Variants in CELF2 observed in about 807,000 individuals in gnomAD.
CELF2 encodes CUG triplet repeat RNA-binding protein 2.
In CELF2, 8 loss-of-function variants were observed where a neutral mutation model predicts 62.6. The ratio of observed to expected loss-of-function variants is 0.13; its 90% CI spans 0.07 to 0.23. The LOEUF (loss-of-function observed/expected upper bound fraction) is 0.23. Ranked by LOEUF, CELF2 falls within the 10% of genes least tolerant of loss-of-function variation. The pLI is 1.00. For missense variants in CELF2, 333 were observed against 671.0 expected, an observed-to-expected ratio of 0.50 and a Z score of 5.56; for synonymous variants, 258 against 250.0, an observed-to-expected ratio of 1.03 and a Z score of -0.30.
At chr10:11,062,108 T>C (rs904719369) in intron 1 of CELF2, among the ~76,000 whole-genome samples, 4 of 152,224 alleles carry the variant, frequency 2.6e-5, no homozygotes, top group Non-Finnish European at 4.4e-5. Flanking sequence ...CTGGCCAGTT[T>C]ACCGAATTTT....
At chr10:11,063,718 A>G (rs2067369049) in intron 1 of CELF2, among the ~76,000 whole-genome samples, 1 of 152,144 alleles carries the variant, frequency 6.6e-6, no homozygotes, top group South Asian at 2.1e-4. Flanking sequence ...ATCGTGTAAA[A>G]ATGTTTGGGT....
chr10:10,887,501 A>G (rs772457090), intron 1 of CELF2, among the ~76,000 whole-genome samples: 8 of 152,216 alleles, frequency 5.3e-5, no homozygotes, highest in Non-Finnish European at 1.0e-4. Context: ...CGCTTGTCCA[A>G]TTGATTTTGC....
chr10:10,852,862 G>T (rs2059470220), intron 1 of CELF2, among the ~76,000 whole-genome samples: 1 of 152,192 alleles, frequency 6.6e-6, no homozygotes. Context: ...AGCTGAATTT[G>T]GAGGCTGAAC....
intron 1 of CELF2, among the ~76,000 whole-genome samples, chr10:11,100,058 C>T (rs914388554): frequency 9.2e-5 from 14 of 151,754 alleles, no homozygotes; most frequent in Admixed American, 6.6e-5. Context: ...AAAAAATAGC[C>T]GGGCATGGTG....
At chr10:10,736,379 TC>T in the CELF2 span, among the ~76,000 whole-genome samples, 1 of 99,298 alleles carries the variant, frequency 1.0e-5, no homozygotes, top group Non-Finnish European at 2.1e-5. Flanking sequence ...TTTCTTTCTT[TC>T]TTTCTTTCTT....
chr10:11,067,312 A>G (rs1480281298), intron 1 of CELF2, among the ~76,000 whole-genome samples: 2 of 152,252 alleles, frequency 1.3e-5, no homozygotes, highest in African/African-American at 4.8e-5. Context: ...GCATTCTGAT[A>G]GCCAGTGGAA....
the CELF2 span, among the ~76,000 whole-genome samples, chr10:10,674,333 A>G: frequency 2.6e-5 from 4 of 152,180 alleles, no homozygotes; most frequent in African/African-American, 9.7e-5. Flanking sequence ...TTCATACAGC[A>G]ACTCCTGCTT....
At chr10:11,103,630 C>T (rs61830446) in intron 1 of CELF2, among the ~76,000 whole-genome samples, 19,233 of 151,836 alleles carry the variant, frequency 0.13, 1,434 homozygotes, top group African/African-American at 0.2. Flanking sequence ...ATAAACCACA[C>T]GCAACTCTCG....
At chr10:10,693,028 C>A in the CELF2 span, among the ~76,000 whole-genome samples, 1 of 132,182 alleles carries the variant, frequency 7.6e-6, no homozygotes, top group East Asian at 2.1e-4. Context: ...TTGCCCTGGC[C>A]AGAACTTCCA....
chr10:10,637,093 T>G, the CELF2 span, among the ~76,000 whole-genome samples: 1 of 152,196 alleles, frequency 6.6e-6, no homozygotes, highest in Non-Finnish European at 1.5e-5. Flanking sequence ...TAGGTAATTG[T>G]GTTTGCATTA....
intron 12 of CELF2, among the ~76,000 whole-genome samples, chr10:11,326,935 TTAAC>T (rs1467570818): frequency 2.6e-5 from 4 of 152,218 alleles, no homozygotes; most frequent in Non-Finnish European, 5.9e-5. Context: ...GTTCTCAAAC[TTAAC>T]TCTGGCTGGT....
the CELF2 span, among the ~76,000 whole-genome samples, chr10:10,762,949 T>C: frequency 6.6e-6 from 1 of 152,126 alleles, no homozygotes; most frequent in African/African-American, 2.4e-5. Context: ...TAAAATAAAA[T>C]AAATTATAAA....
At chr10:10,548,348 A>C in the CELF2 span, among the ~76,000 whole-genome samples, 1 of 152,220 alleles carries the variant, frequency 6.6e-6, no homozygotes, top group Non-Finnish European at 1.5e-5. Flanking sequence ...TCTCAGCTTC[A>C]AATTCAACCT....
intron 1 of CELF2, among the ~76,000 whole-genome samples, chr10:11,143,152 G>A (rs2061659564): frequency 6.6e-6 from 1 of 151,924 alleles, no homozygotes; most frequent in South Asian, 2.1e-4. Context: ...TTTTTCCTTT[G>A]TGTGCCTGTA....
chr10:10,482,896 G>T, the CELF2 span, among the ~76,000 whole-genome samples: 2 of 152,106 alleles, frequency 1.3e-5, no homozygotes, highest in Non-Finnish European at 2.9e-5. Context: ...TGATAGCTCA[G>T]AGCTCACTGA....
chr10:10,634,147 G>C, the CELF2 span, among the ~76,000 whole-genome samples: 5 of 151,972 alleles, frequency 3.3e-5, no homozygotes, highest in Non-Finnish European at 5.9e-5. Flanking sequence ...ATTCATGTAA[G>C]ATTCTTAAAT....
chr10:11,082,074 A>G (rs2074175273), intron 1 of CELF2, among the ~76,000 whole-genome samples: 1 of 152,092 alleles, frequency 6.6e-6, no homozygotes, highest in South Asian at 2.1e-4. Context: ...CTGGGGCTGC[A>G]TCCCTTGCTT....
chr10:10,961,205 G>C (rs1235970019), intron 2 of CELF2, among the ~76,000 whole-genome samples: 3 of 152,176 alleles, frequency 2.0e-5, no homozygotes, highest in Non-Finnish European at 4.4e-5. Context: ...ATTTGGAGTA[G>C]GAAGATGCAG....
In CELF2 at chr10:11,314,063, G is replaced by A. The variant is rs191084386; in HGVS notation, c.977-76G>A. 1,461 of 1,450,028 alleles carry A rather than the reference G, an allele frequency of 1.0e-3. 8 individuals are homozygous for A. Among genetic ancestry groups the A allele is most frequent in the African/African-American group, 7.0e-3 (500 of 71,334 alleles). The allele number at this position is 1,450,028 out of a possible 1,614,324, so 89.8% of individuals were successfully genotyped here. A position where few individuals can be genotyped will look rare whatever the true frequency, so the allele number is the denominator to read the frequency against. On this transcript the variant is annotated intron_variant, in intron 9 of 12. Coordinates refer to ENST00000633077, the MANE Select transcript of CELF2 (RefSeq NM_001326342.2). The surrounding 1 kb of genome is among the most constrained non-coding windows in gnomAD (Gnocchi z 5.3). ...CCTCAGCTCCGTCCACTGAGATGAT[G>A]ACAGAAGGATTTCCAGTCTCGGCTC...
Sources: allele counts gnomAD v4.1 joint callset (sites outside exome capture counted in the v4.1 genomes callset), GRCh38; gene constraint gnomAD v4.1.1; non-coding constraint Gnocchi (gnomAD v3.1); transcripts MANE v1.5; gene names NCBI Gene and HGNC (gene_info 2026-07-23, HGNC 2026-07-21).